The following PDE4D variants were observed in gnomAD, a reference collection of about 807,000 sequenced individuals.
PDE4D encodes the protein phosphodiesterase 4D, also known as 3',5'-cyclic-AMP phosphodiesterase 4D.
Under a neutral mutation model 87.4 loss-of-function variants are expected in PDE4D, and 24 were observed. That is an observed-to-expected ratio of 0.27 (90% CI 0.20 to 0.39). PDE4D has a LOEUF of 0.39. Ranked by LOEUF, PDE4D falls within the 10% of genes least tolerant of loss-of-function variation. The probability of loss-of-function intolerance (pLI) is 1.00; values close to 1 mark genes in which losing one functional copy is unlikely to be tolerated. For synonymous variants in PDE4D, 384 were observed against 383.2 expected, an observed-to-expected ratio of 1.00 and a Z score of -0.02; for missense variants, 714 against 1,041.0, an observed-to-expected ratio of 0.69 and a Z score of 4.32.
At chr5:59,044,285 T>C (rs1055965220) in intron 5 of PDE4D, among the ~76,000 whole-genome samples, 2 of 152,212 alleles carry the variant, frequency 1.3e-5, no homozygotes, top group Non-Finnish European at 2.9e-5. Flanking sequence ...GTGGTTTTGA[T>C]TTGCATTTCT....
chr5:59,073,965 A>G (rs999905584), intron 5 of PDE4D, among the ~76,000 whole-genome samples: 6 of 152,206 alleles, frequency 3.9e-5, no homozygotes, highest in African/African-American at 1.4e-4. Context: ...AAAGAAGGAA[A>G]GAATCTGGAT....
At chr5:60,471,078 T>A (rs1362460215) in intron 1 of PDE4D, among the ~76,000 whole-genome samples, 1 of 152,152 alleles carries the variant, frequency 6.6e-6, no homozygotes, top group Non-Finnish European at 1.5e-5. Context: ...TTAAAAACAT[T>A]CATGACTCAT....
intron 2 of PDE4D, among the ~76,000 whole-genome samples, chr5:60,006,004 T>A (rs918195859): frequency 1.3e-5 from 2 of 152,096 alleles, no homozygotes; most frequent in South Asian, 4.1e-4. Context: ...AATAAGAAAT[T>A]ATTAGGAAAT....
At chr5:60,360,019 C>G (rs376312081) in intron 1 of PDE4D, among the ~76,000 whole-genome samples, 7 of 152,156 alleles carry the variant, frequency 4.6e-5, no homozygotes, top group African/African-American at 1.7e-4. Context: ...AACACAATCT[C>G]GAACACCGCC....
intron 1 of PDE4D, among the ~76,000 whole-genome samples, chr5:59,473,867 A>G (rs181223572): frequency 3.9e-5 from 6 of 152,286 alleles, no homozygotes; most frequent in Admixed American, 1.3e-4. Flanking sequence ...ATCACTCAAC[A>G]TATCAGTCCA....
chr5:59,426,996 TATACAC>T (rs1041502705), intron 1 of PDE4D, among the ~76,000 whole-genome samples: 2 of 121,130 alleles, frequency 1.7e-5, no homozygotes, highest in Admixed American at 1.0e-4. Flanking sequence ...AACTTGAAGC[TATACAC>T]ACACACACAC....
At chr5:59,112,696 T>C (rs770644392) in intron 5 of PDE4D, among the ~76,000 whole-genome samples, 11 of 152,270 alleles carry the variant, frequency 7.2e-5, no homozygotes, top group Non-Finnish European at 1.3e-4. Context: ...TAGAGCACAT[T>C]GTGTGGGAGG....
At chr5:60,360,765 T>A (rs1278836217) in intron 1 of PDE4D, among the ~76,000 whole-genome samples, 1 of 152,210 alleles carries the variant, frequency 6.6e-6, no homozygotes, top group East Asian at 1.9e-4. Context: ...ACATGCATGG[T>A]TGGCATCTGT....
At chr5:59,902,952 T>G (rs1752429329) in intron 3 of PDE4D, among the ~76,000 whole-genome samples, 1 of 152,200 alleles carries the variant, frequency 6.6e-6, no homozygotes, top group Non-Finnish European at 1.5e-5. Context: ...CTCTCAAAGT[T>G]TAGTTTTAAA....
chr5:59,985,125 T>C (rs1341661013), intron 3 of PDE4D, among the ~76,000 whole-genome samples: 1 of 60,110 alleles, frequency 1.7e-5, no homozygotes, highest in Non-Finnish European at 4.8e-5. Context: ...TCACCTTTCG[T>C]TTTTTGTTTT....
At chr5:60,091,845 G>A (rs1414534718) in intron 2 of PDE4D, among the ~76,000 whole-genome samples, 2 of 151,946 alleles carry the variant, frequency 1.3e-5, no homozygotes, top group Non-Finnish European at 2.9e-5. Context: ...GAGGTCAGGA[G>A]ATCGAGACCA....
chr5:59,985,133 TTTTTG>T (rs1352207759), intron 3 of PDE4D, among the ~76,000 whole-genome samples: 1 of 112,254 alleles, frequency 8.9e-6, no homozygotes, highest in African/African-American at 2.6e-5. Flanking sequence ...CGTTTTTTGT[TTTTTG>T]TTTTTTGTTT....
chr5:60,251,966 CT>C (rs906375328), intron 1 of PDE4D, among the ~76,000 whole-genome samples: 1 of 151,808 alleles, frequency 6.6e-6, no homozygotes, highest in Non-Finnish European at 1.5e-5. Flanking sequence ...TTTTACTGTG[CT>C]TTTTCTGTGT....
intron 5 of PDE4D, among the ~76,000 whole-genome samples, chr5:59,159,699 T>C (rs1307760683): frequency 1.3e-5 from 2 of 152,206 alleles, no homozygotes; most frequent in African/African-American, 4.8e-5. Context: ...GCATCTCATA[T>C]CCTAAAGGTC....
intron 3 of PDE4D, among the ~76,000 whole-genome samples, chr5:59,942,342 G>C (rs963111641): frequency 6.6e-6 from 1 of 152,156 alleles, no homozygotes; most frequent in Non-Finnish European, 1.5e-5. Flanking sequence ...CTCTTCCCAT[G>C]TGACTCTGGG....
chr5:60,471,285 T>C (rs752013216), intron 1 of PDE4D, among the ~76,000 whole-genome samples: 3 of 152,118 alleles, frequency 2.0e-5, no homozygotes, highest in Non-Finnish European at 4.4e-5. Context: ...AATTTGAAGA[T>C]TTGAGGAGCT....
intron 1 of PDE4D, among the ~76,000 whole-genome samples, chr5:59,510,794 C>G (rs16889919): frequency 6.6e-6 from 1 of 151,722 alleles, no homozygotes; most frequent in Non-Finnish European, 1.5e-5. Flanking sequence ...TTAAGTGAAG[C>G]AAAAGGAGCA....
At chr5:60,398,613 T>C (rs1185434149) in intron 1 of PDE4D, among the ~76,000 whole-genome samples, 1 of 152,072 alleles carries the variant, frequency 6.6e-6, no homozygotes. Context: ...ACAACACCCA[T>C]TGCATTGTCA....
intron 1 of PDE4D, among the ~76,000 whole-genome samples, chr5:60,311,339 G>T (rs948404284): frequency 1.3e-5 from 2 of 152,160 alleles, no homozygotes; most frequent in African/African-American, 2.4e-5. Flanking sequence ...CACCTTCAAA[G>T]GAAATTCCAT....
Sources: allele counts gnomAD v4.1 joint callset (sites outside exome capture counted in the v4.1 genomes callset), GRCh38; gene constraint gnomAD v4.1.1; transcripts MANE v1.5; gene names NCBI Gene and HGNC (gene_info 2026-07-23, HGNC 2026-07-21).